The following PRKACB variants were observed in gnomAD, a reference collection of about 807,000 sequenced individuals.
PRKACB encodes cAMP-dependent protein kinase catalytic subunit beta.
Under a neutral mutation model 51.4 loss-of-function variants are expected in PRKACB, and 16 were observed. The observed-to-expected ratio is 0.31, with a 90% CI of 0.21 to 0.47. The LOEUF (loss-of-function observed/expected upper bound fraction) is 0.47, where lower values mean the gene tolerates loss of function less well. Ranked by LOEUF, PRKACB falls within the 20% of genes least tolerant of loss-of-function variation. PRKACB has a pLI of 1.00. For synonymous variants in PRKACB, 147 were observed against 154.4 expected, an observed-to-expected ratio of 0.95 and a Z score of 0.35; for missense variants, 309 against 464.5, an observed-to-expected ratio of 0.67 and a Z score of 3.08.
intron 1 of PRKACB, among the ~76,000 whole-genome samples, chr1:84,100,306 G>A (rs932810683): frequency 6.6e-6 from 1 of 152,082 alleles, no homozygotes; most frequent in African/African-American, 2.4e-5. Flanking sequence ...CCCTCAACAC[G>A]TGGGGATTAT....
At chr1:84,118,268 A>G (rs1381658912) in intron 1 of PRKACB, among the ~76,000 whole-genome samples, 2 of 152,040 alleles carry the variant, frequency 1.3e-5, no homozygotes, top group Non-Finnish European at 2.9e-5. Context: ...TGTGTTCTCC[A>G]TTGTACTCTA....
chr1:84,214,040 A>C (rs1202660912), intron 8 of PRKACB, 113 bp from the exon 9 acceptor site: 3 of 1,108,190 alleles, frequency 2.7e-6, no homozygotes, highest in Non-Finnish European at 3.7e-6. Flanking sequence ...TCATCGCTCC[A>C]TATTTTTGTT....
In PRKACB at chr1:84,235,538, T is replaced by C. The variant is rs1354735103; in HGVS notation, c.*233T>C. ...ACACAGTACTAGACCACTTTCTTAC[T>C]TCTCTTTGGGTTGTCTTTCTCCTCT... On this transcript the variant is annotated 3_prime_UTR_variant, in exon 10 of 10. Transcript: ENST00000370685. The C allele has an allele frequency of 1.4e-5, 6 of 429,554 alleles. No homozygotes were observed. The highest frequency in any genetic ancestry group is 2.1e-5 in the Non-Finnish European group (5 of 243,760). The allele number at this position is 429,554 out of a possible 1,614,324, so 26.6% of individuals were successfully genotyped here.
chr1:84,090,509 A>T (rs1557910521), intron 1 of PRKACB, among the ~76,000 whole-genome samples: 1 of 152,194 alleles, frequency 6.6e-6, no homozygotes, highest in Non-Finnish European at 1.5e-5. Context: ...AGCTCTGCTA[A>T]TAAATCACTG....
chr1:84,189,977 T>C (rs1361294100), intron 5 of PRKACB, among the ~76,000 whole-genome samples: 2 of 151,946 alleles, frequency 1.3e-5, no homozygotes, highest in Admixed American at 1.3e-4. Flanking sequence ...TAAAACTTTT[T>C]TCATAAGGTC....
intron 1 of PRKACB, among the ~76,000 whole-genome samples, chr1:84,156,681 A>G (rs1571874257): frequency 6.6e-6 from 1 of 152,186 alleles, no homozygotes; most frequent in Non-Finnish European, 1.5e-5. Context: ...TTTAGTTCTC[A>G]TGGTATTTTT....
At position 84,202,725 on chromosome 1, in the gene PRKACB, A is replaced by C. The variant is rs1447463939; in HGVS notation, c.826A>C (p.Ile276Leu). 6.2e-7 allele frequency: 1 copy of C among 1,610,350 alleles called. No homozygotes were observed. Among genetic ancestry groups the C allele is most frequent in the Admixed American group, 1.7e-5 (1 of 59,882 alleles). ...GGATTGGTGGGCATTAGGAGTGCTA[A>C]TCTATGAAATGGCAGCTGGCTATCC... ...AVDWWALGVL[I>L]YEMAAGYPPF... Residue 276 changes from isoleucine to leucine, a missense_variant, in exon 8 of 10, where the codon ATC becomes CTC. Coordinates refer to ENST00000370685, the MANE Select transcript of PRKACB (RefSeq NM_182948.4).
chr1:84,098,744 G>A (rs935364322), intron 1 of PRKACB, among the ~76,000 whole-genome samples: 6 of 152,048 alleles, frequency 3.9e-5, no homozygotes, highest in African/African-American at 1.2e-4. Context: ...CACAGTGTAG[G>A]TATAGAGATT....
At chr1:84,193,599 G>A (rs1667407851) in intron 5 of PRKACB, among the ~76,000 whole-genome samples, 1 of 152,158 alleles carries the variant, frequency 6.6e-6, no homozygotes, top group Non-Finnish European at 1.5e-5. Flanking sequence ...GCTGTGATTG[G>A]TGAGTGATGG....
intron 9 of PRKACB, among the ~76,000 whole-genome samples, chr1:84,230,219 G>T (rs1675385421): frequency 1.3e-5 from 2 of 149,796 alleles, no homozygotes; most frequent in African/African-American, 2.4e-5. Context: ...TTTTTCTCAG[G>T]TTTGTCAAAG....
rs1676572169 is a variant in PRKACB at position 84,235,402 on chromosome 1, G to T, written c.*97G>T. On this transcript the variant is annotated 3_prime_UTR_variant, in exon 10 of 10. Coordinates refer to ENST00000370685, the MANE Select transcript of PRKACB (RefSeq NM_182948.4). ...CCGTCCTTGTTGAAGCAGTTACCTA[G>T]TTCCTTCATTCCAACGACTGAGTGA... 1 of 1,506,862 alleles carries T rather than the reference G, an allele frequency of 6.6e-7. No individual in the cohort carries two copies. 93.3% of individuals were successfully genotyped at this position (1,506,862 alleles called of 1,614,324 possible).
intron 1 of PRKACB, among the ~76,000 whole-genome samples, chr1:84,169,334 TAAAAC>T (rs1658604118): frequency 6.6e-6 from 1 of 151,334 alleles, no homozygotes; most frequent in Non-Finnish European, 1.5e-5. Flanking sequence ...GAAACAAAGA[TAAAAC>T]AAGAACCTAG....
chr1:84,222,073 T>C (rs569124255), intron 9 of PRKACB, among the ~76,000 whole-genome samples: 75 of 152,302 alleles, frequency 4.9e-4, no homozygotes, highest in African/African-American at 1.7e-3. Context: ...TCTCTTTAGA[T>C]CTAATAATAT....
At chr1:84,164,771 C>T (rs1285616669) in intron 1 of PRKACB, 43 of 1,378,250 alleles carry the variant, frequency 3.1e-5, no homozygotes, top group Non-Finnish European at 3.8e-5. Context: ...TAGTTATAGA[C>T]ATCTTTGGCA....
rs759118703 is a variant in PRKACB, at chr1:84,182,154, G to A, written c.250-46G>A. 7 of 1,320,256 alleles carry A rather than the reference G, an allele frequency of 5.3e-6. No individual in the cohort carries two copies. The Admixed American group carries it at 1.4e-4, about 26-fold the overall frequency. The allele number at this position is 1,320,256 out of a possible 1,614,324, so 81.8% of individuals were successfully genotyped here. The stretch of plus-strand genomic sequence containing the variant: ...TATTAAAGCATTTATAATTCCCATA[G>A]TGTTTTTACGAGAATTTTAAATTTT... On this transcript the variant is annotated intron_variant, in intron 2 of 9. Transcript: ENST00000370685.
chr1:84,094,326 T>C (rs1375819185), intron 1 of PRKACB, among the ~76,000 whole-genome samples: 2 of 152,016 alleles, frequency 1.3e-5, no homozygotes, highest in Non-Finnish European at 2.9e-5. Flanking sequence ...TTTCTGCGTC[T>C]GTGAGTTTTG....
chr1:84,225,373 C>T (rs1056574990), intron 9 of PRKACB, among the ~76,000 whole-genome samples: 10 of 152,132 alleles, frequency 6.6e-5, no homozygotes, highest in Non-Finnish European at 1.5e-4. Flanking sequence ...TATGCTTTGG[C>T]TTCCGGCCCC....
chr1:84,165,170 C>CA (rs1401382831), intron 1 of PRKACB, among the ~76,000 whole-genome samples: 1 of 151,838 alleles, frequency 6.6e-6, no homozygotes, highest in Non-Finnish European at 1.5e-5. Context: ...AAATTGCCTT[C>CA]AAAAACCAGT....
chr1:84,114,463 CTTT>C (rs533743075), intron 1 of PRKACB, among the ~76,000 whole-genome samples: 1 of 147,642 alleles, frequency 6.8e-6, no homozygotes, highest in Non-Finnish European at 1.5e-5. Context: ...TTGTAGTGTT[CTTT>C]TTTTTTTATT....
Sources: allele counts gnomAD v4.1 joint callset (sites outside exome capture counted in the v4.1 genomes callset), GRCh38; gene constraint gnomAD v4.1.1; transcripts MANE v1.5; gene names NCBI Gene and HGNC (gene_info 2026-07-23, HGNC 2026-07-21).